The following NAV3 variants were observed in gnomAD, a reference collection of about 807,000 sequenced individuals.
NAV3 encodes neuron navigator 3, also known as pore membrane and/or filament interacting like protein 1.
NAV3 carries 87 observed loss-of-function variants against 244.7 expected under a neutral mutation model. The observed-to-expected ratio is 0.36, with a 90% confidence interval of 0.30 to 0.42. The LOEUF is 0.42. NAV3 is among the 20% of genes least tolerant of loss of function. NAV3 has a pLI of 1.00. For synonymous variants in NAV3, 1,126 were observed against 1,042.2 expected, an observed-to-expected ratio of 1.08 and a Z score of -1.55; for missense variants, 2,663 against 2,893.3, an observed-to-expected ratio of 0.92 and a Z score of 1.83.
intron 9 of NAV3, among the ~76,000 whole-genome samples, chr12:78,028,673 G>T (rs1878479562): frequency 6.6e-6 from 1 of 152,108 alleles, no homozygotes; most frequent in Non-Finnish European, 1.5e-5. Context: ...CTAACAAAAA[G>T]GCTTGGATCA....
At chr12:77,926,996 G>A (rs1307629829) in intron 1 of NAV3, among the ~76,000 whole-genome samples, 1 of 152,186 alleles carries the variant, frequency 6.6e-6, no homozygotes, top group African/African-American at 2.4e-5. Context: ...TTTATAGCAT[G>A]TTACTTGGTC....
In NAV3 at chr12:77,945,919, T is replaced by A. The variant is rs1430237932; in HGVS notation, c.414+4786T>A. The stretch of plus-strand genomic sequence containing the variant: ...GCCCACCACCACACCTGGCTAATAT[T>A]TTTTAATTTTTTTAATTTTTAGTAG... On this transcript the variant is annotated intron_variant, in intron 3 of 39. Transcript: ENST00000397909. 1.3e-5 allele frequency among the ~76,000 whole-genome samples: 2 copies of A among 151,388 alleles called. 1 individual carries two copies. The highest frequency in any genetic ancestry group is 4.2e-4 in the South Asian group (2 of 4,816).
At chr12:78,014,694 G>A (rs2136700897) in intron 8 of NAV3, among the ~76,000 whole-genome samples, 1 of 152,200 alleles carries the variant, frequency 6.6e-6, no homozygotes, top group African/African-American at 2.4e-5. Flanking sequence ...TACTCACAAG[G>A]TTTTAAGTTT....
chr12:77,806,113 A>G (rs1871964994), intron 2 of NAV3, among the ~76,000 whole-genome samples: 1 of 151,990 alleles, frequency 6.6e-6, no homozygotes, highest in Non-Finnish European at 1.5e-5. Context: ...TTTTCAAAAA[A>G]CCAGCTCCTG....
intron 2 of NAV3, among the ~76,000 whole-genome samples, chr12:77,650,885 AATG>A (rs1439745947): frequency 6.6e-6 from 1 of 152,168 alleles, no homozygotes; most frequent in Non-Finnish European, 1.5e-5. Flanking sequence ...AGATACTGAT[AATG>A]ATAGGAACAG....
chr12:77,651,678 G>T (rs1379116900), intron 2 of NAV3, among the ~76,000 whole-genome samples: 2 of 152,116 alleles, frequency 1.3e-5, no homozygotes, highest in African/African-American at 4.8e-5. Context: ...CAAGCTGGTG[G>T]TTATTATTTT....
intron 2 of NAV3, among the ~76,000 whole-genome samples, chr12:77,746,016 C>T (rs991287852): frequency 2.7e-4 from 39 of 145,998 alleles, no homozygotes; most frequent in Middle Eastern, 3.6e-3. Context: ...AGGAACATGT[C>T]TATCCTATAA....
intron 1 of NAV3, among the ~76,000 whole-genome samples, chr12:77,887,106 G>C (rs1413819791): frequency 6.6e-6 from 1 of 152,104 alleles, no homozygotes; most frequent in African/African-American, 2.4e-5. Context: ...CTCTCACAGT[G>C]GCTTTTCAGC....
At chr12:77,960,085 TG>T (rs970687940) in intron 3 of NAV3, among the ~76,000 whole-genome samples, 5 of 151,834 alleles carry the variant, frequency 3.3e-5, no homozygotes, top group African/African-American at 1.2e-4. Flanking sequence ...TGTGAGGTCC[TG>T]GGGGTAGGAG....
chr12:78,048,883 G>A (rs1029135640), intron 9 of NAV3, among the ~76,000 whole-genome samples: 1 of 152,180 alleles, frequency 6.6e-6, no homozygotes, highest in South Asian at 2.1e-4. Context: ...GCCCCTGACT[G>A]GGGCTGCTAC....
At chr12:77,809,326 C>G (rs976675625) in intron 2 of NAV3, among the ~76,000 whole-genome samples, 1 of 152,216 alleles carries the variant, frequency 6.6e-6, no homozygotes. Context: ...ATCTCCTGGT[C>G]TGTGGGTTGC....
Position 78,165,968 on chromosome 12 carries a change from C to CAAA in NAV3, c.4870-2777_4870-2775dup, listed in dbSNP as rs5799376. Among the ~76,000 whole-genome samples, 593 of 144,328 alleles carry CAAA rather than the reference C, an allele frequency of 4.1e-3. 1 individual carries two copies. Among genetic ancestry groups the CAAA allele is most frequent in the African/African-American group, 9.0e-3 (353 of 39,408 alleles). 94.7% of individuals were successfully genotyped at this position (144,328 alleles called of 152,430 possible). On this transcript the variant is annotated intron_variant, in intron 23 of 39. Transcript: ENST00000397909. Reference sequence around the variant, plus strand: ...CACTAGGTGATCAGACACCCTCCTGCAAAAAAAAAAAATACGTATGCAATA... The same window carrying CAAA: ...CACTAGGTGATCAGACACCCTCCTGCAAAAAAAAAAAAAAATACGTATGCAATA...
chr12:78,068,972 A>G (rs1952617754), intron 12 of NAV3, among the ~76,000 whole-genome samples: 2 of 151,214 alleles, frequency 1.3e-5, no homozygotes, highest in East Asian at 3.9e-4. Context: ...ACTAGGCATG[A>G]ATTCTTTTTT....
rs1184161146 is a variant in NAV3, at chr12:77,658,089, T to A, written c.72+85823T>A. ...CTCTCACCACTCCTATTCAACATAG[T>A]GTTGGAAGTTCTGGCCAGGGCAATT... On this transcript the variant is annotated intron_variant, in intron 2 of 8. Coordinates refer to the NAV3 transcript ENST00000550042. Among the ~76,000 whole-genome samples, 304 of 151,972 alleles carry A rather than the reference T, an allele frequency of 2.0e-3. 2 individuals carry two copies. Among genetic ancestry groups the A allele is most frequent in the African/African-American group, 7.0e-3 (291 of 41,476 alleles).
chr12:77,655,059 C>T (rs1873023941), intron 2 of NAV3, among the ~76,000 whole-genome samples: 2 of 152,190 alleles, frequency 1.3e-5, no homozygotes, highest in Non-Finnish European at 2.9e-5. Flanking sequence ...CACCTCTCCT[C>T]CTCCAAAGGA....
intron 12 of NAV3, 22 bp from the exon 13 acceptor site, chr12:78,116,750 C>G (rs1044275395): frequency 1.3e-6 from 2 of 1,561,366 alleles, no homozygotes; most frequent in Non-Finnish European, 1.7e-6. Flanking sequence ...TGATTCACTG[C>G]TCTTGCATGT....
chr12:77,720,290 G>C (rs181308169), intron 2 of NAV3, among the ~76,000 whole-genome samples: 1 of 152,182 alleles, frequency 6.6e-6, no homozygotes, highest in Non-Finnish European at 1.5e-5. Flanking sequence ...TGAAAAAACA[G>C]TCACTTTTCC....
chr12:78,204,637 T>C (rs977108028), intron 38 of NAV3, among the ~76,000 whole-genome samples: 4 of 152,154 alleles, frequency 2.6e-5, no homozygotes, highest in African/African-American at 9.6e-5. Context: ...GTCAAATTAC[T>C]AGTAAATGTG....
intron 2 of NAV3, among the ~76,000 whole-genome samples, chr12:77,732,050 CAAAA>C (rs1205328989): frequency 6.6e-6 from 1 of 151,680 alleles, no homozygotes; most frequent in Non-Finnish European, 1.5e-5. Flanking sequence ...CAAAACAAAA[CAAAA>C]AAACTTACAA....
Sources: gnomAD v4.1 joint callset for allele counts (sites outside exome capture counted in the v4.1 genomes callset) on GRCh38, gnomAD v4.1.1 for gene constraint, MANE v1.5 for transcripts, NCBI Gene and HGNC (gene_info 2026-07-23, HGNC 2026-07-21) for gene names.